The following IPO4 variants were observed in gnomAD, a reference collection of about 807,000 sequenced individuals.
IPO4 encodes the protein importin 4.
IPO4 carries 91 observed loss-of-function variants against 133.5 expected under a neutral mutation model. That is an observed-to-expected ratio of 0.68 (90% confidence interval 0.58 to 0.81). The LOEUF (loss-of-function observed/expected upper bound fraction) is 0.81, where lower values mean the gene tolerates loss of function less well. Ranked by LOEUF, IPO4 falls within the 30% of genes least tolerant of loss-of-function variation. The probability of loss-of-function intolerance (pLI) is 0.00; values close to 1 mark genes in which losing one functional copy is unlikely to be tolerated. For synonymous variants in IPO4, 607 were observed against 581.6 expected, an observed-to-expected ratio of 1.04 and a Z score of -0.63; for missense variants, 1,279 against 1,386.2, an observed-to-expected ratio of 0.92 and a Z score of 1.23.
At position 24,184,323 on chromosome 14, in the gene IPO4, C is replaced by T; in HGVS notation, c.1732G>A (p.Asp578Asn). ...QLGLGLCDQVDDPDLRRCTYS... is the reference protein window; with the variant it reads ...QLGLGLCDQVNDPDLRRCTYS... ...GTGCAGCGCCGCAAGTCAGGGTCGT[C>T]TACCTGGTCGCAGAGGCCCAGACCC... is the stretch of plus-strand genomic sequence containing the variant. The change falls in exon 17 of 30, where the codon GAC becomes AAC. Residue 578 changes from aspartate to asparagine, a missense_variant. Physicochemically the swap from Asp to Asn is conservative, Grantham distance 23 (BLOSUM62 1). Around this residue, in one of 3 missense-constraint regions of IPO4, gnomAD observed 575 missense variants for 653.4 expected, o/e 0.88. Transcript: ENST00000354464. 1 of 1,587,764 alleles carries T rather than the reference C, an allele frequency of 6.3e-7. No individual in the cohort carries two copies. Among genetic ancestry groups the T allele is most frequent in the Non-Finnish European group, 8.6e-7 (1 of 1,167,172 alleles).
At chr14:24,181,467 GT>G in intron 28 of IPO4, 45 bp downstream of exon 28, 2 of 1,478,056 alleles carry the variant, frequency 1.4e-6, no homozygotes, top group Non-Finnish European at 9.3e-7. Flanking sequence ...CTATCACTGA[GT>G]GGAGCGGCAC....
intron 24 of IPO4, 66 bp from the exon 25 acceptor site, chr14:24,182,469 G>A (rs1017329193): frequency 4.5e-6 from 7 of 1,561,188 alleles, no homozygotes; most frequent in East Asian, 4.8e-5. Flanking sequence ...TCCCTCCCAC[G>A]CTCTGCCACC....
intron 5 of IPO4, 23 bp downstream of exon 5, chr14:24,187,644 T>A: frequency 1.9e-6 from 3 of 1,613,644 alleles, no homozygotes; most frequent in Non-Finnish European, 2.5e-6. Flanking sequence ...AGGCCCTCCC[T>A]CCTGCCAACC....
intron 14 of IPO4, 51 bp from the exon 15 acceptor site, chr14:24,185,031 C>T (rs773580853): frequency 2.5e-4 from 391 of 1,590,526 alleles, no homozygotes; most frequent in Non-Finnish European, 3.2e-4. Flanking sequence ...GCTACCTGCA[C>T]GCCCACCTCC....
intron 17 of IPO4, 75 bp from the exon 18 acceptor site, chr14:24,184,184 C>T: frequency 1.9e-6 from 3 of 1,571,150 alleles, no homozygotes; most frequent in Non-Finnish European, 2.6e-6. Context: ...CCCGGGAACA[C>T]CTGGCTATGG....
In IPO4 at chr14:24,186,944, T is replaced by G; in HGVS notation, c.690A>C (p.Glu230Asp). 1.9e-6 allele frequency: 3 copies of G among 1,614,014 alleles called. No homozygotes were observed. Among genetic ancestry groups the G allele is most frequent in the Non-Finnish European group, 2.5e-6 (3 of 1,180,010 alleles). Reference sequence around the variant, plus strand: ...TGACCGGCACCTCTGACTCCAACAGTTCATCCAAAGCCTCAAGGGCCTCAC... The same window carrying G: ...TGACCGGCACCTCTGACTCCAACAGGTCATCCAAAGCCTCAAGGGCCTCAC... ...KACEALEALDELLESEVPVIT... is the reference protein window; with the variant it reads ...KACEALEALDDLLESEVPVIT... Residue 230 changes from glutamate to aspartate, a missense_variant, in exon 8 of 30, where the codon GAA becomes GAC. Glu to Asp is a conservative substitution (Grantham distance 45). Transcript: ENST00000354464.
In IPO4 at chr14:24,184,760, G is replaced by A. The variant is rs768075624; in HGVS notation, c.1526C>T (p.Thr509Met). Residue 509 changes from threonine (T) to methionine (M), a missense_variant, in exon 16 of 30, where the codon ACG becomes ATG. Transcript: ENST00000354464. ...LAVSALGAIA[T>M]AAQASLLPYF... The stretch of plus-strand genomic sequence containing the variant: ...GGGCAGCAGCGAGGCCTGGGCAGCC[G>A]TAGCTGCAGGATGGAAGGACAGAAT... 81 of 1,611,226 alleles carry A rather than the reference G, an allele frequency of 5.0e-5. No homozygotes were observed. The highest frequency in any genetic ancestry group is 1.4e-4 in the South Asian group (13 of 90,770).
In IPO4 at chr14:24,186,374, G is replaced by T; in HGVS notation, c.918C>A (p.Gly306=). ...FPIVAAEPPP[G]QLDPEDQDSE... ...AATCCTGGTCCTCGGGATCCAACTGGCCTGGTGGGGGCTCAGCAGCCACAA... is the reference window on the plus strand; with the variant it reads ...AATCCTGGTCCTCGGGATCCAACTGTCCTGGTGGGGGCTCAGCAGCCACAA... The change falls in exon 10 of 30, where the codon GGC becomes GGA. Residue 306 remains glycine (G), a synonymous_variant. Transcript: ENST00000354464. The T allele has an allele frequency of 1.2e-6, 2 of 1,613,194 alleles. No homozygotes were observed. Among genetic ancestry groups the T allele is most frequent in the Non-Finnish European group, 1.7e-6 (2 of 1,179,554 alleles).
chr14:24,182,344 G>T lies in IPO4; in HGVS notation c.2532C>A (p.Ala844=), dbSNP rs774246528. 6.2e-7 allele frequency: 1 copy of T among 1,613,752 alleles called. No individual in the cohort carries two copies. The highest frequency in any genetic ancestry group is 8.5e-7 in the Non-Finnish European group (1 of 1,179,870). ...GGGCAAAGGAGTCTCCCCCAGCCGC[G>T]GCTGCCAGGGCAGGGATGGCCTCTC... ...HAGEAIPALA[A]AAGGDSFAPF... The change falls in exon 25 of 30, where the codon GCC becomes GCA. Residue 844 remains alanine, a synonymous_variant. Coordinates refer to ENST00000354464, the MANE Select transcript of IPO4 (RefSeq NM_024658.4).
rs776083062 is a variant in IPO4 at position 24,183,850 on chromosome 14, C to T, written c.1918G>A (p.Asp640Asn). ...ATGAGCTCCTCCTCTTCTTCCCCAT[C>T]ACTCTCATCGTCAAACAGAAGGAAG... ...SSFLLFDDES[D>N]GEEEEELMDE... Residue 640 changes from aspartate to asparagine, a missense_variant, in exon 19 of 30, where the codon GAT (aspartate) becomes AAT (asparagine). Coordinates refer to ENST00000354464, the MANE Select transcript of IPO4 (RefSeq NM_024658.4). 85 of 1,614,124 alleles carry T rather than the reference C, an allele frequency of 5.3e-5. No individual in the cohort carries two copies. The South Asian group carries it at 9.0e-4, about 17-fold the overall frequency.
At chr14:24,185,401 T>C in intron 13 of IPO4, 58 bp downstream of exon 13, 1 of 1,611,052 alleles carries the variant, frequency 6.2e-7, no homozygotes, top group Non-Finnish European at 8.5e-7. Flanking sequence ...CTTGAAGAGA[T>C]GAAAGATGAG....
chr14:24,187,985 G>A (rs1254380944), intron 4 of IPO4, 189 bp from the exon 5 acceptor site: 7 of 781,278 alleles, frequency 9.0e-6, no homozygotes, highest in Non-Finnish European at 1.4e-5. Flanking sequence ...AATCTGGTAA[G>A]TTCAGTCTAA....
chr14:24,182,660 A>G, intron 24 of IPO4, 132 bp downstream of exon 24: 1 of 1,094,212 alleles, frequency 9.1e-7, no homozygotes, highest in Admixed American at 1.7e-5. Context: ...TCAGGGTTGT[A>G]TCCCTCTGGC....
intron 17 of IPO4, 80 bp downstream of exon 17, chr14:24,184,216 CTG>C: frequency 6.4e-7 from 1 of 1,557,808 alleles, no homozygotes; most frequent in South Asian, 1.2e-5. Flanking sequence ...CGACTGGAGT[CTG>C]GGGTGGGGAT....
Position 24,183,055 on chromosome 14 carries a change from C to T in IPO4, c.2342G>A (p.Ser781Asn), listed in dbSNP as rs1202680640. 2 of 1,613,714 alleles carry T rather than the reference C, an allele frequency of 1.2e-6. No homozygotes were observed. Among genetic ancestry groups the T allele is most frequent in the Non-Finnish European group, 8.5e-7 (1 of 1,180,036 alleles). ...VLEALTGVLRSCGTLTLKPPG... is the reference protein window; with the variant it reads ...VLEALTGVLRNCGTLTLKPPG... ...GGGCTTCAGTGTGAGGGTCCCACAGCTGCGGAGCACCCCTGTCAGGGCCTC... is the reference window on the plus strand; with the variant it reads ...GGGCTTCAGTGTGAGGGTCCCACAGTTGCGGAGCACCCCTGTCAGGGCCTC... The change falls in exon 23 of 30, where the codon AGC (serine) becomes AAC (asparagine). Residue 781 changes from serine to asparagine, a missense_variant. This residue lies in a region of IPO4 where 575 missense variants were observed against 653.4 expected (regional missense o/e 0.88). Transcript: ENST00000354464.
chr14:24,185,600 G>A (rs750972923), intron 12 of IPO4, 33 bp from the exon 13 acceptor site: 5 of 1,572,854 alleles, frequency 3.2e-6, no homozygotes, highest in South Asian at 1.1e-5. Flanking sequence ...CATAGGCTGA[G>A]AAGCTACACC....
At position 24,184,063 on chromosome 14, in the gene IPO4, C is replaced by T. The variant is rs1219798886; in HGVS notation, c.1804G>A (p.Ala602Thr). ...GTGGTGATCTGTTCCAAGTGGGGCGCCAGGCCCTCACCCATCAGACCCGAT... is the reference window on the plus strand; with the variant it reads ...GTGGTGATCTGTTCCAAGTGGGGCGTCAGGCCCTCACCCATCAGACCCGAT... ...ALSGLMGEGLAPHLEQITTLM... is the reference protein window; with the variant it reads ...ALSGLMGEGLTPHLEQITTLM... Residue 602 changes from alanine (A) to threonine (T), a missense_variant, in exon 18 of 30, where the codon GCG becomes ACG. By Grantham distance (58) the Ala-to-Thr change is moderately conservative (BLOSUM62 0). Coordinates refer to ENST00000354464, the MANE Select transcript of IPO4 (RefSeq NM_024658.4). 3 of 1,535,230 alleles carry T rather than the reference C, an allele frequency of 2.0e-6. No individual in the cohort carries two copies. The highest frequency in any genetic ancestry group is 2.6e-6 in the Non-Finnish European group (3 of 1,132,536).
chr14:24,187,184 C>T, intron 6 of IPO4, 34 bp from the exon 7 acceptor site: 1 of 1,603,678 alleles, frequency 6.2e-7, no homozygotes, highest in Non-Finnish European at 8.5e-7. Context: ...ATGATGCAGC[C>T]CAATCTCACA....
At chr14:24,182,190 C>T in intron 25 of IPO4, 27 bp from the exon 26 acceptor site, 1 of 1,614,034 alleles carries the variant, frequency 6.2e-7, no homozygotes, top group South Asian at 1.1e-5. Flanking sequence ...GGAAGGAGTA[C>T]AGATCAGCCT....
Sources: gnomAD v4.1 joint callset for allele counts on GRCh38, gnomAD v4.1.1 for gene constraint, gnomAD v4.1.1 regional missense constraint, MANE v1.5 for transcripts, NCBI Gene and HGNC (gene_info 2026-07-23, HGNC 2026-07-21) for gene names.